Variants in FERRY3 observed in about 807,000 individuals in gnomAD.
The protein encoded by FERRY3 is FERRY endosomal RAB5 effector complex subunit 3.
the FERRY3 span, among the ~76,000 whole-genome samples, chr12:4,522,857 C>G: frequency 6.6e-6 from 1 of 152,200 alleles, no homozygotes; most frequent in Non-Finnish European, 1.5e-5. Flanking sequence ...ATAAACACAA[C>G]AACTCCAATG....
the FERRY3 span, among the ~76,000 whole-genome samples, chr12:4,495,767 TATGTGTGATTAATAGC>T: frequency 6.6e-6 from 1 of 152,318 alleles, no homozygotes; most frequent in Admixed American, 6.5e-5. Context: ...GCTTTGTGTA[TATGTGTGATTAATAGC>T]ATGGTCTAGA....
chr12:4,521,669 AC>A, the FERRY3 span, among the ~76,000 whole-genome samples: 1 of 152,184 alleles, frequency 6.6e-6, no homozygotes, highest in African/African-American at 2.4e-5. Context: ...TTAACCTGAC[AC>A]CAAAACCAAA....
the FERRY3 span, among the ~76,000 whole-genome samples, chr12:4,510,771 G>A: frequency 7.1e-6 from 1 of 140,876 alleles, no homozygotes; most frequent in East Asian, 2.0e-4. Flanking sequence ...GGAACAACCG[G>A]TACCAGCCGC....
At chr12:4,497,451 T>C in the FERRY3 span, among the ~76,000 whole-genome samples, 1 of 152,196 alleles carries the variant, frequency 6.6e-6, no homozygotes, top group Non-Finnish European at 1.5e-5. Flanking sequence ...GTTCAGTCTA[T>C]GAAAAGTTGA....
the FERRY3 span, among the ~76,000 whole-genome samples, chr12:4,495,622 A>G: frequency 6.6e-6 from 1 of 152,238 alleles, no homozygotes; most frequent in Non-Finnish European, 1.5e-5. Context: ...GGTAATAATG[A>G]AAGATTGTAA....
At chr12:4,537,609 G>A in the FERRY3 span, among the ~76,000 whole-genome samples, 1 of 152,090 alleles carries the variant, frequency 6.6e-6, no homozygotes, top group Non-Finnish European at 1.5e-5. Context: ...TGTACATGTC[G>A]TGGGGCGGGG....
chr12:4,501,597 A>G, the FERRY3 span, among the ~76,000 whole-genome samples: 156 of 152,268 alleles, frequency 1.0e-3, 3 homozygotes, highest in African/African-American at 3.7e-3. Context: ...CGAGGGATCT[A>G]GGTTGCGTGC....
At chr12:4,517,892 T>C in the FERRY3 span, among the ~76,000 whole-genome samples, 2 of 152,206 alleles carry the variant, frequency 1.3e-5, no homozygotes, top group Non-Finnish European at 2.9e-5. Flanking sequence ...ACTCTATCGA[T>C]GCTACAGTTT....
At chr12:4,508,056 A>G in the FERRY3 span, among the ~76,000 whole-genome samples, 1 of 152,320 alleles carries the variant, frequency 6.6e-6, no homozygotes, top group East Asian at 1.9e-4. Flanking sequence ...ACTATTTTTT[A>G]CAAGTTTATT....
the FERRY3 span, among the ~76,000 whole-genome samples, chr12:4,531,610 G>A: frequency 6.6e-6 from 1 of 152,232 alleles, no homozygotes; most frequent in Non-Finnish European, 1.5e-5. Context: ...GGGGCACTGA[G>A]GAAGTGACTG....
the FERRY3 span, chr12:4,529,770 A>G: frequency 2.8e-6 from 3 of 1,059,252 alleles, no homozygotes; most frequent in South Asian, 5.2e-5. Context: ...TTTTTTTTCT[A>G]TCTTATCCTT....
the FERRY3 span, chr12:4,491,181 G>A: frequency 6.2e-7 from 1 of 1,613,076 alleles, no homozygotes; most frequent in Non-Finnish European, 8.5e-7. Context: ...GCTCACCTTT[G>A]ACACACTTGA....
the FERRY3 span, chr12:4,488,736 T>C: frequency 2.0e-5 from 3 of 152,232 alleles, no homozygotes; most frequent in Non-Finnish European, 2.9e-5. The surrounding 1 kb of genome is among the most constrained non-coding windows in gnomAD (Gnocchi z 4.9). Flanking sequence ...CATTTCATTC[T>C]TGTGGCCAGT....
the FERRY3 span, among the ~76,000 whole-genome samples, chr12:4,515,259 A>G: frequency 1.3e-5 from 2 of 152,208 alleles, no homozygotes; most frequent in East Asian, 3.8e-4. Flanking sequence ...TTTAAAAACC[A>G]TTTCCAGGAT....
chr12:4,503,669 A>G, the FERRY3 span, among the ~76,000 whole-genome samples: 2 of 152,150 alleles, frequency 1.3e-5, no homozygotes, highest in East Asian at 3.8e-4. Context: ...CATCCTCCTG[A>G]TTTGGTTGTA....
chr12:4,491,608 T>C, the FERRY3 span, among the ~76,000 whole-genome samples: 4 of 152,242 alleles, frequency 2.6e-5, no homozygotes, highest in African/African-American at 9.6e-5. Context: ...TTTTACTGTA[T>C]AATACATTAT....
chr12:4,489,740 C>A, the FERRY3 span: 1 of 1,160,286 alleles, frequency 8.6e-7, no homozygotes. Flanking sequence ...TGACAGATTC[C>A]CAGCATAGCA....
chr12:4,505,234 T>G, the FERRY3 span: 2 of 923,760 alleles, frequency 2.2e-6, no homozygotes, highest in Non-Finnish European at 3.4e-6. Flanking sequence ...AAACATAAAT[T>G]CCTATGGTGT....
the FERRY3 span, among the ~76,000 whole-genome samples, chr12:4,493,350 T>C: frequency 6.6e-6 from 1 of 152,236 alleles, no homozygotes; most frequent in African/African-American, 2.4e-5. Flanking sequence ...TCTATAATAC[T>C]GAGCAATACA....
Sources: allele counts gnomAD v4.1 joint callset (sites outside exome capture counted in the v4.1 genomes callset), GRCh38; gene constraint gnomAD v4.1.1; non-coding constraint Gnocchi (gnomAD v3.1); transcripts MANE v1.5; gene names NCBI Gene and HGNC (gene_info 2026-07-23, HGNC 2026-07-21).